RBFOX1: variants seen among roughly 807,000 people sequenced by gnomAD.
RBFOX1 encodes the protein RNA binding protein fox-1 homolog 1.
A neutral mutation model predicts 57.7 loss-of-function variants in RBFOX1; 8 were observed. That is an observed-to-expected ratio of 0.14 (90% CI 0.08 to 0.25). RBFOX1 has a LOEUF of 0.25. Ranked by LOEUF, RBFOX1 falls within the 10% of genes least tolerant of loss-of-function variation. The probability of loss-of-function intolerance (pLI) is 1.00; values close to 1 mark genes in which losing one functional copy is unlikely to be tolerated. For missense variants in RBFOX1, 611 were observed against 548.5 expected, an observed-to-expected ratio of 1.11 and a Z score of -1.14; for synonymous variants, 326 against 222.4, an observed-to-expected ratio of 1.47 and a Z score of -4.15.
intron 1 of RBFOX1, among the ~76,000 whole-genome samples, chr16:6,298,593 T>C (rs1350372889): frequency 1.3e-5 from 2 of 152,158 alleles, no homozygotes; most frequent in Non-Finnish European, 1.5e-5. Flanking sequence ...CAGATCCTAA[T>C]GGGTTCAGTT....
At chr16:6,298,324 T>G (rs951277090) in intron 1 of RBFOX1, among the ~76,000 whole-genome samples, 2 of 152,122 alleles carry the variant, frequency 1.3e-5, no homozygotes, top group African/African-American at 4.8e-5. Context: ...CCTGGCTTGT[T>G]TTTGCTTTCC....
intron 2 of RBFOX1, among the ~76,000 whole-genome samples, chr16:6,650,206 G>T (rs776494033): frequency 6.6e-6 from 1 of 152,176 alleles, no homozygotes; most frequent in Non-Finnish European, 1.5e-5. Flanking sequence ...CTGCTGGTTG[G>T]AGAGTCTCAC....
At chr16:7,556,308 C>A (rs1245337904) in intron 5 of RBFOX1, among the ~76,000 whole-genome samples, 3 of 152,188 alleles carry the variant, frequency 2.0e-5, no homozygotes, top group African/African-American at 7.2e-5. Context: ...ACCAGATTGT[C>A]TGCTAGATTT....
intron 2 of RBFOX1, among the ~76,000 whole-genome samples, chr16:6,521,748 A>C (rs1222144447): frequency 1.3e-5 from 2 of 152,154 alleles, no homozygotes; most frequent in African/African-American, 4.8e-5. Flanking sequence ...ACTTGACTTT[A>C]GATACGCTTT....
chr16:5,738,635 G>GAGAAAAAAAAA (rs2052665925), intron 3 of RBFOX1, among the ~76,000 whole-genome samples: 1 of 61,192 alleles, frequency 1.6e-5, no homozygotes, highest in Non-Finnish European at 3.0e-5. Context: ...CTCTGTCTCA[G>GAGAAAAAAAAA]AAAAAAAAAA....
intron 4 of RBFOX1, among the ~76,000 whole-genome samples, chr16:7,493,468 G>C (rs942043890): frequency 2.0e-5 from 3 of 152,320 alleles, no homozygotes; most frequent in Middle Eastern, 6.8e-3. Flanking sequence ...TATGCAGACA[G>C]ATTTAAGTAA....
intron 1 of RBFOX1, among the ~76,000 whole-genome samples, chr16:6,234,023 G>A (rs1450831322): frequency 1.3e-5 from 2 of 152,150 alleles, no homozygotes; most frequent in African/African-American, 4.8e-5. Flanking sequence ...CCTCTGGAGG[G>A]GAAGAATGCC....
chr16:6,966,443 G>A (rs988619535), intron 3 of RBFOX1, among the ~76,000 whole-genome samples: 3 of 152,168 alleles, frequency 2.0e-5, no homozygotes, highest in Non-Finnish European at 4.4e-5. Context: ...CCTGGGCGAG[G>A]TGGAGGGGTG....
At chr16:6,332,749 A>G (rs1217146227) in intron 2 of RBFOX1, among the ~76,000 whole-genome samples, 2 of 151,970 alleles carry the variant, frequency 1.3e-5, no homozygotes, top group Non-Finnish European at 2.9e-5. Context: ...GTTTTAGTGA[A>G]TAGTTCAGAG....
intron 2 of RBFOX1, among the ~76,000 whole-genome samples, chr16:6,533,472 T>C (rs1223167164): frequency 6.6e-6 from 1 of 150,836 alleles, no homozygotes; most frequent in African/African-American, 2.5e-5. Context: ...CACAGAGCAG[T>C]GGTTCTGGAC....
At chr16:6,070,964 G>A (rs7195637) in intron 1 of RBFOX1, among the ~76,000 whole-genome samples, 41,406 of 151,986 alleles carry the variant, frequency 0.27, 5,824 homozygotes, top group Non-Finnish European at 0.3. Context: ...CTCTGATTTT[G>A]ATTAGTGAGC....
At chr16:6,486,551 C>G (rs774183494) in intron 2 of RBFOX1, among the ~76,000 whole-genome samples, 2 of 152,118 alleles carry the variant, frequency 1.3e-5, no homozygotes, top group African/African-American at 4.8e-5. Context: ...GAAAGTAATT[C>G]TGTTGGGATT....
At chr16:7,589,292 A>T (rs1343646286) in intron 7 of RBFOX1, among the ~76,000 whole-genome samples, 1 of 152,172 alleles carries the variant, frequency 6.6e-6, no homozygotes, top group Non-Finnish European at 1.5e-5. Context: ...AACTTTTGCC[A>T]GTTACAATGA....
intron 1 of RBFOX1, among the ~76,000 whole-genome samples, chr16:5,269,439 C>T (rs1239542500): frequency 6.6e-6 from 1 of 152,258 alleles, no homozygotes; most frequent in Non-Finnish European, 1.5e-5. Flanking sequence ...ATTAGCATCA[C>T]TCCTAATAAC....
intron 4 of RBFOX1, among the ~76,000 whole-genome samples, chr16:7,292,549 C>A (rs2095812474): frequency 6.8e-6 from 1 of 147,120 alleles, no homozygotes; most frequent in Non-Finnish European, 1.5e-5. Flanking sequence ...CACACACACA[C>A]ACACAAATAT....
chr16:6,691,543 T>A (rs982355328), intron 3 of RBFOX1, among the ~76,000 whole-genome samples: 26 of 152,200 alleles, frequency 1.7e-4, no homozygotes, highest in African/African-American at 6.3e-4. Flanking sequence ...TTTCCCGTTA[T>A]CACATTACAC....
chr16:6,368,234 G>C (rs2089947719), intron 2 of RBFOX1, among the ~76,000 whole-genome samples: 1 of 152,118 alleles, frequency 6.6e-6, no homozygotes, highest in Admixed American at 6.5e-5. Context: ...ATATCTCACA[G>C]CTAGCTGGAT....
chr16:6,589,668 T>G (rs1036072948), intron 2 of RBFOX1, among the ~76,000 whole-genome samples: 1 of 152,234 alleles, frequency 6.6e-6, no homozygotes, highest in Non-Finnish European at 1.5e-5. Context: ...ATCTTGTGGC[T>G]CATTTGTTAG....
At chr16:6,175,651 G>T (rs961885223) in intron 1 of RBFOX1, among the ~76,000 whole-genome samples, 2 of 152,130 alleles carry the variant, frequency 1.3e-5, no homozygotes, top group African/African-American at 4.8e-5. Context: ...GTGCATATAG[G>T]GATCTGAGTA....
Sources: allele counts gnomAD v4.1 joint callset (sites outside exome capture counted in the v4.1 genomes callset), GRCh38; gene constraint gnomAD v4.1.1; transcripts MANE v1.5; gene names NCBI Gene and HGNC (gene_info 2026-07-23, HGNC 2026-07-21).